The following KCNH1 variants were observed in gnomAD, a reference collection of about 807,000 sequenced individuals.
KCNH1 encodes the protein voltage-gated delayed rectifier potassium channel KCNH1.
Under a neutral mutation model 69.2 loss-of-function variants are expected in KCNH1, and 27 were observed. The observed-to-expected ratio is 0.39, with a 90% confidence interval of 0.29 to 0.54. The LOEUF (loss-of-function observed/expected upper bound fraction) is 0.54, where lower values mean the gene tolerates loss of function less well. KCNH1 is among the 20% of genes least tolerant of loss of function. The pLI, the probability that KCNH1 is intolerant of heterozygous loss-of-function variation, is 0.68. For missense variants in KCNH1, 798 were observed against 1,261.6 expected (o/e 0.63, Z 5.57); for synonymous variants, 456 against 487.7 (o/e 0.93, Z 0.86).
intron 7 of KCNH1, among the ~76,000 whole-genome samples, chr1:210,845,341 C>A (rs1685515919): frequency 1.3e-5 from 2 of 152,158 alleles, no homozygotes; most frequent in Non-Finnish European, 2.9e-5. Context: ...AAAATACTGG[C>A]AAACCAAATC....
chr1:211,050,289 A>AAAAAAAAAAAAAAAAAAAAAC, intron 5 of KCNH1, among the ~76,000 whole-genome samples: 1 of 148,878 alleles, frequency 6.7e-6, no homozygotes, highest in Non-Finnish European at 1.5e-5. Context: ...AAAAAAAAAA[A>AAAAAAAAAAAAAAAAAAAAAC]AGGACAGCTT....
intron 7 of KCNH1, among the ~76,000 whole-genome samples, chr1:210,838,764 A>G (rs1407777247): frequency 2.6e-5 from 4 of 152,224 alleles, no homozygotes; most frequent in Non-Finnish European, 5.9e-5. Flanking sequence ...ACATGAACAG[A>G]CACTTCTCAA....
At chr1:210,786,508 G>A (rs746027333) in intron 9 of KCNH1, among the ~76,000 whole-genome samples, 17 of 151,434 alleles carry the variant, frequency 1.1e-4, no homozygotes, top group Non-Finnish European at 1.9e-4. Flanking sequence ...AATCCATCTC[G>A]GGCTCCTATA....
intron 10 of KCNH1, among the ~76,000 whole-genome samples, chr1:210,766,247 C>T (rs1258846890): frequency 6.6e-6 from 1 of 151,880 alleles, no homozygotes; most frequent in Non-Finnish European, 1.5e-5. Flanking sequence ...GAAGTGTGGC[C>T]AGGTAGGGTA....
chr1:210,898,906 T>A (rs1442603624), intron 7 of KCNH1, among the ~76,000 whole-genome samples: 1 of 152,046 alleles, frequency 6.6e-6, no homozygotes, highest in Admixed American at 6.5e-5. Context: ...GTCTACCTGA[T>A]TGGGTGTTGG....
intron 5 of KCNH1, among the ~76,000 whole-genome samples, chr1:211,074,467 A>G (rs987490223): frequency 3.3e-5 from 5 of 152,164 alleles, no homozygotes; most frequent in Non-Finnish European, 7.4e-5. Context: ...AAAGGCTGGC[A>G]TATTTTCCAT....
At chr1:210,712,617 C>T (rs1682105036) in intron 10 of KCNH1, among the ~76,000 whole-genome samples, 2 of 152,184 alleles carry the variant, frequency 1.3e-5, no homozygotes, top group East Asian at 3.9e-4. Flanking sequence ...GTCCATTCCT[C>T]CAAAAACAAT....
intron 2 of KCNH1, among the ~76,000 whole-genome samples, chr1:211,103,970 T>A (rs1691308861): frequency 6.6e-6 from 1 of 152,050 alleles, no homozygotes; most frequent in South Asian, 2.1e-4. Flanking sequence ...AAGGACAGAT[T>A]AGGTCTAAGG....
chr1:211,047,228 T>C (rs1690107826), intron 5 of KCNH1, among the ~76,000 whole-genome samples: 1 of 152,198 alleles, frequency 6.6e-6, no homozygotes, highest in Non-Finnish European at 1.5e-5. Flanking sequence ...GTCTAAACCA[T>C]GAAGTTATAC....
intron 6 of KCNH1, among the ~76,000 whole-genome samples, chr1:211,000,415 T>A (rs1402680212): frequency 6.6e-6 from 1 of 152,176 alleles, no homozygotes; most frequent in Admixed American, 6.5e-5. Context: ...CATTCACAAT[T>A]GCTTCAAAGA....
intron 7 of KCNH1, chr1:210,861,873 C>T (rs1357388181): frequency 1.3e-6 from 1 of 763,260 alleles, no homozygotes; most frequent in Non-Finnish European, 2.4e-6. Flanking sequence ...TGTTATCACA[C>T]TGAAGATAAA....
chr1:210,771,057 T>C (rs1363761476), intron 10 of KCNH1, among the ~76,000 whole-genome samples: 1 of 152,236 alleles, frequency 6.6e-6, no homozygotes, highest in African/African-American at 2.4e-5. Flanking sequence ...GTACTGATAC[T>C]GTGACGTAGC....
At chr1:210,841,718 A>G (rs1685414640) in intron 7 of KCNH1, among the ~76,000 whole-genome samples, 1 of 152,124 alleles carries the variant, frequency 6.6e-6, no homozygotes, top group African/African-American at 2.4e-5. Context: ...CATGGGGAAA[A>G]CTGCTCACTA....
At chr1:211,057,701 A>G (rs1396848406) in intron 5 of KCNH1, among the ~76,000 whole-genome samples, 3 of 150,494 alleles carry the variant, frequency 2.0e-5, no homozygotes, top group Non-Finnish European at 4.4e-5. Flanking sequence ...GAGAGAAAGA[A>G]AGAGAGAGAG....
intron 4 of KCNH1, among the ~76,000 whole-genome samples, chr1:211,087,061 T>C (rs959997958): frequency 2.6e-5 from 4 of 152,156 alleles, no homozygotes; most frequent in Non-Finnish European, 5.9e-5. Flanking sequence ...ACATAAAATA[T>C]TAACATTGAA....
At chr1:210,701,016 C>T (rs180728099) in intron 10 of KCNH1, among the ~76,000 whole-genome samples, 15 of 152,290 alleles carry the variant, frequency 9.8e-5, no homozygotes, top group African/African-American at 2.6e-4. Flanking sequence ...CGGCTCACTG[C>T]AAGCTCCACC....
At chr1:210,802,461 G>A (rs1395400628) in intron 8 of KCNH1, among the ~76,000 whole-genome samples, 8 of 152,032 alleles carry the variant, frequency 5.3e-5, no homozygotes, top group Non-Finnish European at 7.4e-5. Context: ...GGACTGGAGA[G>A]AAAAAAGACT....
At chr1:211,124,647 C>T (rs1275177144) in intron 1 of KCNH1, among the ~76,000 whole-genome samples, 6 of 152,052 alleles carry the variant, frequency 3.9e-5, no homozygotes, top group African/African-American at 1.4e-4. Context: ...AGAGAGAGAC[C>T]ACTTTATCCA....
At chr1:210,765,738 G>A (rs1040212760) in intron 10 of KCNH1, among the ~76,000 whole-genome samples, 3 of 152,160 alleles carry the variant, frequency 2.0e-5, no homozygotes, top group Non-Finnish European at 4.4e-5. Flanking sequence ...TGTCTCTGCC[G>A]ATACCATCTT....
Sources: gnomAD v4.1 joint callset for allele counts (sites outside exome capture counted in the v4.1 genomes callset) on GRCh38, gnomAD v4.1.1 for gene constraint, MANE v1.5 for transcripts, NCBI Gene and HGNC (gene_info 2026-07-23, HGNC 2026-07-21) for gene names.